Variants in PTPRD observed in about 807,000 individuals in gnomAD.
PTPRD encodes the protein protein tyrosine phosphatase receptor type D, also known as receptor-type tyrosine-protein phosphatase delta.
PTPRD carries 34 observed loss-of-function variants against 214.5 expected under a neutral mutation model. That is an observed-to-expected ratio of 0.16 (90% CI 0.12 to 0.21). The LOEUF (loss-of-function observed/expected upper bound fraction) is 0.21, where lower values mean the gene tolerates loss of function less well. Among genes scored for constraint, PTPRD ranks in the 10% least tolerant of loss-of-function variants. The pLI, the probability that PTPRD is intolerant of heterozygous loss-of-function variation, is 1.00. For missense variants in PTPRD, 2,545 were observed against 2,398.7 expected (o/e 1.06, Z -1.27); for synonymous variants, 1,128 against 845.7 (o/e 1.33, Z -5.79).
At chr9:9,416,313 T>G (rs2076976999) in intron 8 of PTPRD, among the ~76,000 whole-genome samples, 1 of 152,088 alleles carries the variant, frequency 6.6e-6, no homozygotes, top group Non-Finnish European at 1.5e-5. Context: ...GTGTTATGAG[T>G]GGGTAAGTCT....
intron 27 of PTPRD, among the ~76,000 whole-genome samples, chr9:8,491,261 A>G (rs546314829): frequency 2.6e-5 from 4 of 152,354 alleles, no homozygotes; most frequent in African/African-American, 7.2e-5. Context: ...AAGGAATTCT[A>G]TATGTGAATA....
At chr9:9,226,219 G>A (rs190957539) in intron 9 of PTPRD, among the ~76,000 whole-genome samples, 2 of 151,764 alleles carry the variant, frequency 1.3e-5, no homozygotes, top group African/African-American at 2.4e-5. Context: ...ATGCCTTCAG[G>A]GAAATCTAGT....
intron 9 of PTPRD, among the ~76,000 whole-genome samples, chr9:9,336,451 A>G (rs192726376): frequency 3.3e-5 from 5 of 152,282 alleles, no homozygotes; most frequent in African/African-American, 1.2e-4. Context: ...CTTGATGTCC[A>G]ACCAGGTGAT....
intron 5 of PTPRD, among the ~76,000 whole-genome samples, chr9:9,786,017 T>A (rs1021970244): frequency 1.3e-5 from 2 of 152,202 alleles, no homozygotes; most frequent in African/African-American, 4.8e-5. Context: ...ATCCTGGTTT[T>A]TTCTCCAAAT....
chr9:9,135,017 TATGC>T (rs1352984761), intron 10 of PTPRD, among the ~76,000 whole-genome samples: 1 of 152,206 alleles, frequency 6.6e-6, no homozygotes, highest in Non-Finnish European at 1.5e-5. Flanking sequence ...CATGGACTCA[TATGC>T]GCTTTATGAT....
At chr9:10,160,074 T>C (rs2099118327) in intron 3 of PTPRD, among the ~76,000 whole-genome samples, 1 of 151,922 alleles carries the variant, frequency 6.6e-6, no homozygotes, top group Non-Finnish European at 1.5e-5. Flanking sequence ...AAGATCTAAA[T>C]ATTTAATGCC....
chr9:9,772,298 T>C (rs1414185232), intron 5 of PTPRD, among the ~76,000 whole-genome samples: 2 of 152,136 alleles, frequency 1.3e-5, no homozygotes, highest in Non-Finnish European at 2.9e-5. Context: ...TCTTGAACTT[T>C]TAGCCTACAA....
In PTPRD at chr9:8,674,142, C is replaced by G. The variant is rs187821597; in HGVS notation, c.65-37298G>C. ...AGACACACACACACATATACGCATC[C>G]AAAATTATTTTGAATGTGCAATTCA... On this transcript the variant is annotated intron_variant, in intron 12 of 45. Transcript: ENST00000381196. 3.6e-4 allele frequency among the ~76,000 whole-genome samples: 55 copies of G among 152,176 alleles called. 1 individual carries two copies. The highest frequency in any genetic ancestry group is 1.3e-3 in the African/African-American group (55 of 41,516).
intron 6 of PTPRD, among the ~76,000 whole-genome samples, chr9:9,763,000 G>C (rs2098673371): frequency 6.6e-6 from 1 of 152,158 alleles, no homozygotes; most frequent in Admixed American, 6.5e-5. Context: ...CTTGCTGTGT[G>C]TTCACATGAT....
intron 7 of PTPRD, among the ~76,000 whole-genome samples, chr9:9,700,112 G>T (rs1487382956): frequency 2.0e-5 from 3 of 152,026 alleles, no homozygotes; most frequent in South Asian, 4.1e-4. Flanking sequence ...ATCGGCAAAG[G>T]TACTGAACTA....
chr9:9,269,657 T>G (rs758916237), intron 9 of PTPRD, among the ~76,000 whole-genome samples: 1 of 151,490 alleles, frequency 6.6e-6, no homozygotes, highest in African/African-American at 2.4e-5. Context: ...TGTGTGTGTA[T>G]GTAAACATTA....
chr9:8,544,126 A>G (rs192171449), intron 14 of PTPRD, among the ~76,000 whole-genome samples: 199 of 150,090 alleles, frequency 1.3e-3, no homozygotes, highest in African/African-American at 4.8e-3. Flanking sequence ...GGTATATCAC[A>G]TGCATTAGGC....
rs567294679 is a variant in PTPRD, at chr9:9,367,240, G to A, written c.-203+30209C>T. ...ACTAGAAATCTATATAGATTACAGT[G>A]GGGGAGGTGGAATTCACTAGAAGTT... On this transcript the variant is annotated intron_variant, in intron 9 of 45. Transcript: ENST00000381196. 2.0e-5 allele frequency among the ~76,000 whole-genome samples: 3 copies of A among 151,542 alleles called. No individual in the cohort carries two copies. In the South Asian group the frequency reaches 6.2e-4, roughly 31 times the overall value.
intron 8 of PTPRD, among the ~76,000 whole-genome samples, chr9:9,549,882 C>A (rs999143761): frequency 2.0e-5 from 3 of 151,878 alleles, no homozygotes; most frequent in Non-Finnish European, 4.4e-5. Context: ...TAGGGCTATG[C>A]AAAGATTTCT....
chr9:10,120,969 A>T (rs1303248922), intron 3 of PTPRD, among the ~76,000 whole-genome samples: 2 of 152,170 alleles, frequency 1.3e-5, no homozygotes, highest in African/African-American at 4.8e-5. Context: ...TACCAGCAGT[A>T]AAAATTTATT....
chr9:10,138,164 G>C (rs538800602), intron 3 of PTPRD, among the ~76,000 whole-genome samples: 1 of 151,894 alleles, frequency 6.6e-6, no homozygotes, highest in Non-Finnish European at 1.5e-5. Context: ...AGAGAAAAGA[G>C]ATAAGATCTA....
intron 9 of PTPRD, among the ~76,000 whole-genome samples, chr9:9,249,605 C>G (rs1262632991): frequency 6.6e-6 from 1 of 152,068 alleles, no homozygotes; most frequent in Non-Finnish European, 1.5e-5. Flanking sequence ...GTTTCTCCCT[C>G]CCTCTTCCTC....
rs995136481 is a variant in PTPRD at position 8,318,051 on chromosome 9, A to G, written c.5671-109T>C. On this transcript the variant is annotated intron_variant, in intron 45 of 45. Coordinates refer to ENST00000381196, the MANE Select transcript of PTPRD (RefSeq NM_002839.4). ...ACAAAATAACATCTATATAGGGGCA[A>G]AATCACTACTTTCGTCAACTGGTCT... 173 of 1,026,406 alleles carry G rather than the reference A, an allele frequency of 1.7e-4. 2 individuals carry two copies. In the South Asian group the frequency reaches 2.3e-3, roughly 13 times the overall value. 63.6% of individuals were successfully genotyped at this position (1,026,406 alleles called of 1,614,324 possible).
chr9:8,833,715 TACACACACACACACACACAC>T (rs1177957119), intron 11 of PTPRD, among the ~76,000 whole-genome samples: 2 of 133,718 alleles, frequency 1.5e-5, no homozygotes, highest in Admixed American at 1.5e-4. Flanking sequence ...TATATATATA[TACACACACACACACACACAC>T]ACACACACAC....
Sources: gnomAD v4.1 joint callset for allele counts (sites outside exome capture counted in the v4.1 genomes callset) on GRCh38, gnomAD v4.1.1 for gene constraint, MANE v1.5 for transcripts, NCBI Gene and HGNC (gene_info 2026-07-23, HGNC 2026-07-21) for gene names.